The following MRPL42 variants were observed in gnomAD, a reference collection of about 807,000 sequenced individuals.
MRPL42 encodes large ribosomal subunit protein mL42.
A neutral mutation model predicts 17.9 loss-of-function variants in MRPL42; 17 were observed. The ratio of observed to expected loss-of-function variants is 0.95; its 90% CI spans 0.65 to 1.42. The LOEUF is 1.42. Among genes scored for constraint, MRPL42 ranks in the 40% most tolerant of loss-of-function variants. The pLI, the probability that MRPL42 is intolerant of heterozygous loss-of-function variation, is 0.00. For missense variants in MRPL42, 177 were observed against 175.2 expected (o/e 1.01, Z -0.06); for synonymous variants, 59 against 54.4 (o/e 1.08, Z -0.37).
rs542481465 is a variant in MRPL42 at position 93,516,009 on chromosome 12, A to G, written c.*14788A>G. The stretch of plus-strand genomic sequence containing the variant: ...CCCAGCTCTAGTCTGCCTTCCCTAT[A>G]GAGAAGATGTATTGAGATAATCATG... On this transcript the variant is annotated 3_prime_UTR_variant, in exon 6 of 6. Coordinates refer to ENST00000549982, the MANE Select transcript of MRPL42 (RefSeq NM_014050.4). 1.8e-4 allele frequency: 27 copies of G among 152,268 alleles called. No individual in the cohort carries two copies. The highest frequency in any genetic ancestry group is 6.5e-4 in the African/African-American group (27 of 41,562). The allele number at this position is 152,268 out of a possible 1,614,324, so 9.4% of individuals were successfully genotyped here.
rs1023534103 is a variant in MRPL42 at position 93,515,090 on chromosome 12, T to A, written c.*13869T>A. The A allele has an allele frequency of 6.6e-6, 1 of 152,204 alleles. No homozygotes were observed. The highest frequency in any genetic ancestry group is 1.5e-5 in the Non-Finnish European group (1 of 68,044). 9.4% of individuals were successfully genotyped at this position (152,204 alleles called of 1,614,324 possible). ...TTATTTTCATTGCTAACCTCACTGA[T>A]TTTTAATTTTACCATTTAAATGTTA... On this transcript the variant is annotated 3_prime_UTR_variant, in exon 6 of 6. Transcript: ENST00000549982.
chr12:93,487,800 T>C (rs1162689908), intron 5 of MRPL42, 140 bp downstream of exon 5: 6 of 741,036 alleles, frequency 8.1e-6, no homozygotes, highest in Non-Finnish European at 1.2e-5. Context: ...ATGTTGTACT[T>C]TTTTTTTCTT....
chr12:93,472,597 TAAAG>T (rs1284064998), intron 2 of MRPL42, among the ~76,000 whole-genome samples: 1 of 151,934 alleles, frequency 6.6e-6, no homozygotes. Context: ...AAATTAAAAT[TAAAG>T]AAAGTTTCAT....
At chr12:93,476,376 C>T (rs1244989467) in intron 2 of MRPL42, among the ~76,000 whole-genome samples, 1 of 152,124 alleles carries the variant, frequency 6.6e-6, no homozygotes, top group Non-Finnish European at 1.5e-5. Context: ...CCATGTTAGT[C>T]AGGCTGGTCT....
intron 3 of MRPL42, among the ~76,000 whole-genome samples, chr12:93,478,218 C>T (rs1027125127): frequency 2.6e-5 from 4 of 151,298 alleles, no homozygotes; most frequent in East Asian, 3.9e-4. Flanking sequence ...GGCCTCCCAG[C>T]GTACAAGGAT....
intron 3 of MRPL42, among the ~76,000 whole-genome samples, chr12:93,478,639 A>G (rs1324625059): frequency 6.6e-6 from 1 of 152,246 alleles, no homozygotes; most frequent in Non-Finnish European, 1.5e-5. Flanking sequence ...AGACTGAGTC[A>G]TATAAGTGTT....
chr12:93,476,422 G>A (rs955967328), intron 2 of MRPL42, among the ~76,000 whole-genome samples: 1 of 152,102 alleles, frequency 6.6e-6, no homozygotes, highest in Non-Finnish European at 1.5e-5. Flanking sequence ...GCCCACCTTG[G>A]CCTCCCAAAG....
chr12:93,487,835 C>T (rs1243423025), intron 5 of MRPL42, 175 bp downstream of exon 5: 2 of 536,846 alleles, frequency 3.7e-6, no homozygotes, highest in South Asian at 2.6e-5. Context: ...CTCGCTCTGT[C>T]ACCCAGGCTG....
At position 93,500,295 on chromosome 12, in the gene MRPL42, A is replaced by G. The variant is rs546977116; in HGVS notation, c.384-881A>G. Among the ~76,000 whole-genome samples the G allele has an allele frequency of 2.0e-5, 3 of 152,328 alleles. No homozygotes were observed. In the South Asian group the frequency reaches 6.2e-4, roughly 32 times the overall value. The stretch of plus-strand genomic sequence containing the variant: ...AATTACTAGGTCAAAAATTATGAAT[A>G]TTTCTTGATACATCTTATCATACTG... On this transcript the variant is annotated intron_variant, in intron 5 of 5. Transcript: ENST00000549982.
chr12:93,512,658 T>G lies in MRPL42; in HGVS notation c.*11437T>G, dbSNP rs1953735450. ...TTGAAAGACCAGAGTTGCTACAGATTGTTATTACATGTTCCATAATTTAAC... is the reference window on the plus strand; with the variant it reads ...TTGAAAGACCAGAGTTGCTACAGATGGTTATTACATGTTCCATAATTTAAC... On this transcript the variant is annotated 3_prime_UTR_variant, in exon 6 of 6. Coordinates refer to ENST00000549982, the MANE Select transcript of MRPL42 (RefSeq NM_014050.4). 1 of 152,460 alleles carries G rather than the reference T, an allele frequency of 6.6e-6. No individual in the cohort carries two copies. The highest frequency in any genetic ancestry group is 2.1e-4 in the South Asian group (1 of 4,828). The allele number at this position is 152,460 out of a possible 1,614,324, so 9.4% of individuals were successfully genotyped here.
At chr12:93,496,812 G>A (rs113674274) in intron 5 of MRPL42, among the ~76,000 whole-genome samples, 1,866 of 151,598 alleles carry the variant, frequency 0.012, 46 homozygotes, top group African/African-American at 0.043. Flanking sequence ...TTTTTTTGGG[G>A]GGGTTTGGGG....
At position 93,510,784 on chromosome 12, in the gene MRPL42, A is replaced by G. The variant is rs901039311; in HGVS notation, c.*9563A>G. On this transcript the variant is annotated 3_prime_UTR_variant, in exon 6 of 6. Coordinates refer to ENST00000549982, the MANE Select transcript of MRPL42 (RefSeq NM_014050.4). ...TCATTATTTTTTCTTCTTATGATTG[A>G]AGTTATAATATTTCTTTAAATATTT... The G allele has an allele frequency of 2.0e-5, 3 of 152,166 alleles. No individual in the cohort carries two copies. Among genetic ancestry groups the G allele is most frequent in the Admixed American group, 6.5e-5 (1 of 15,270 alleles). The allele number at this position is 152,166 out of a possible 1,614,324, so 9.4% of individuals were successfully genotyped here.
At position 93,505,212 on chromosome 12, in the gene MRPL42, C is replaced by T. The variant is rs186618235; in HGVS notation, c.*3991C>T. 1.2e-4 allele frequency: 18 copies of T among 152,176 alleles called. No individual in the cohort carries two copies. Among genetic ancestry groups the T allele is most frequent in the East Asian group, 1.2e-3 (6 of 5,178 alleles). 9.4% of individuals were successfully genotyped at this position (152,176 alleles called of 1,614,324 possible). ...AATGATAGTGATATGCAAGATAGCA[C>T]GTGTGGTTTCCACATATTCTAAGAG... On this transcript the variant is annotated 3_prime_UTR_variant, in exon 6 of 6. Transcript: ENST00000549982.
At chr12:93,482,987 C>T (rs2121210346) in intron 4 of MRPL42, among the ~76,000 whole-genome samples, 1 of 152,210 alleles carries the variant, frequency 6.6e-6, no homozygotes, top group Middle Eastern at 3.4e-3. Context: ...CATGCCTCCC[C>T]AGGTTCAAGC....
rs568648678 is a variant in MRPL42, at chr12:93,514,690, T to G, written c.*13469T>G. 2.0e-5 allele frequency: 3 copies of G among 152,364 alleles called. No individual in the cohort carries two copies. Among genetic ancestry groups the G allele is most frequent in the Admixed American group, 2.0e-4 (3 of 15,302 alleles). The allele number at this position is 152,364 out of a possible 1,614,324, so 9.4% of individuals were successfully genotyped here. On this transcript the variant is annotated 3_prime_UTR_variant, in exon 6 of 6. Coordinates refer to ENST00000549982, the MANE Select transcript of MRPL42 (RefSeq NM_014050.4). ...AATCTATATGAAATAAATTTACTCC[T>G]ATTTGAAAATATTTGTCATATTCCT...
At chr12:93,479,613 T>C (rs548773699) in intron 4 of MRPL42, 141 bp downstream of exon 4, 8 of 452,506 alleles carry the variant, frequency 1.8e-5, no homozygotes, top group African/African-American at 1.2e-4. Flanking sequence ...ACTATTTTGA[T>C]TTTTCTCTTA....
intron 5 of MRPL42, 52 bp from the exon 6 acceptor site, chr12:93,501,124 G>T: frequency 7.3e-7 from 1 of 1,368,994 alleles, no homozygotes; most frequent in Non-Finnish European, 9.9e-7. Flanking sequence ...ATTTTTATCA[G>T]GAATAATTTT....
Position 93,511,608 on chromosome 12 carries a change from A to G in MRPL42, c.*10387A>G, listed in dbSNP as rs1953726009. On this transcript the variant is annotated 3_prime_UTR_variant, in exon 6 of 6. Transcript: ENST00000549982. The stretch of plus-strand genomic sequence containing the variant: ...AGCTAATAAATTACCTTTTCTTGCA[A>G]TTGGTTTGATGTACCATTAATATAT... The G allele has an allele frequency of 6.6e-6, 1 of 152,234 alleles. No homozygotes were observed. Among genetic ancestry groups the G allele is most frequent in the Non-Finnish European group, 1.5e-5 (1 of 68,034 alleles). 9.4% of individuals were successfully genotyped at this position (152,234 alleles called of 1,614,324 possible).
intron 5 of MRPL42, among the ~76,000 whole-genome samples, chr12:93,496,433 A>G (rs1953505978): frequency 6.6e-6 from 1 of 152,124 alleles, no homozygotes; most frequent in African/African-American, 2.4e-5. Context: ...TAAATATAAC[A>G]TTAATAGATA....
Sources: allele counts gnomAD v4.1 joint callset (sites outside exome capture counted in the v4.1 genomes callset), GRCh38; gene constraint gnomAD v4.1.1; transcripts MANE v1.5; gene names NCBI Gene and HGNC (gene_info 2026-07-23, HGNC 2026-07-21).